The following APOBEC3A variants were observed in gnomAD, a reference collection of about 807,000 sequenced individuals.
The protein encoded by APOBEC3A is apolipoprotein B mRNA editing enzyme catalytic subunit 3A.
In APOBEC3A, 13 loss-of-function variants were observed where a neutral mutation model predicts 23.0. That is an observed-to-expected ratio of 0.57 (90% CI 0.37 to 0.90). The LOEUF is 0.90. Ranked by LOEUF, APOBEC3A falls within the 40% of genes least tolerant of loss-of-function variation. The pLI, the probability that APOBEC3A is intolerant of heterozygous loss-of-function variation, is 0.01. For synonymous variants in APOBEC3A, 74 were observed against 101.3 expected (o/e 0.73, Z 1.62); for missense variants, 179 against 264.9 (o/e 0.68, Z 2.25).
At position 38,962,663 on chromosome 22, in the gene APOBEC3A, T is replaced by A. The variant is rs1030252356; in HGVS notation, c.*154T>A. 3.9e-6 allele frequency: 6 copies of A among 1,539,952 alleles called. No individual in the cohort carries two copies. In the African/African-American group the frequency reaches 6.9e-5, roughly 18 times the overall value. ...GTATGCTCCCGATCAAGTAGATTTT[T>A]AAAAAATCAGAGTGGGCCGGGCGCG... On this transcript the variant is annotated 3_prime_UTR_variant, in exon 5 of 5. Coordinates refer to ENST00000249116, the MANE Select transcript of APOBEC3A (RefSeq NM_145699.4).
At chr22:38,962,311 G>T (rs1922939773) in intron 4 of APOBEC3A, 98 bp downstream of exon 4, 6 of 1,597,682 alleles carry the variant, frequency 3.8e-6, no homozygotes, top group Non-Finnish European at 4.3e-6. Context: ...CCTCCTCTGG[G>T]TTCCCTGCTC....
chr22:38,958,771 CTT>C (rs1922722419), intron 1 of APOBEC3A, among the ~76,000 whole-genome samples: 2 of 21,170 alleles, frequency 9.4e-5, no homozygotes, highest in South Asian at 2.1e-3. Context: ...CTCTCTTTCT[CTT>C]TCTTTCTTTC....
Position 38,962,956 on chromosome 22 carries a change from T to TAA in APOBEC3A, c.*447_*448insAA. ...CTGGGCGACAGTACCAGACTCCATC[T>TAA]CAAAAAAAAAAAAACCAGACTGAAT... is the stretch of plus-strand genomic sequence containing the variant. On this transcript the variant is annotated 3_prime_UTR_variant, in exon 5 of 5. Coordinates refer to ENST00000249116, the MANE Select transcript of APOBEC3A (RefSeq NM_145699.4). 1 of 128,838 alleles carries TAA rather than the reference T, an allele frequency of 7.8e-6. No individual in the cohort carries two copies. The allele number at this position is 128,838 out of a possible 1,614,324, so 8.0% of individuals were successfully genotyped here. A position where few individuals can be genotyped will look rare whatever the true frequency, so the allele number is the denominator to read the frequency against.
intron 1 of APOBEC3A, among the ~76,000 whole-genome samples, chr22:38,958,894 G>C (rs556104949): frequency 6.8e-6 from 1 of 146,856 alleles, no homozygotes; most frequent in African/African-American, 2.6e-5. Flanking sequence ...TCCCAACAGA[G>C]ATTTTTCTAA....
chr22:38,962,001 A>C, intron 3 of APOBEC3A, 97 bp from the exon 4 acceptor site: 1 of 1,476,226 alleles, frequency 6.8e-7, no homozygotes, highest in Admixed American at 2.2e-5. Flanking sequence ...AGGGACTGAA[A>C]CCAGGATGTG....
Position 38,959,604 on chromosome 22 carries a change from C to A in APOBEC3A, c.92C>A (p.Thr31Asn). ...NFNNGIGRHK[T>N]YLCYEVERLD... Reference sequence around the variant, plus strand: ...AACAATGGCATTGGAAGGCATAAGACCTACCTGTGCTACGAAGTGGAGCGC... The same window carrying A: ...AACAATGGCATTGGAAGGCATAAGAACTACCTGTGCTACGAAGTGGAGCGC... Residue 31 changes from threonine to asparagine, a missense_variant, in exon 2 of 5, where the codon ACC becomes AAC. Thr to Asn is a moderately conservative substitution (Grantham distance 65, BLOSUM62 0). Coordinates refer to ENST00000249116, the MANE Select transcript of APOBEC3A (RefSeq NM_145699.4). 1 of 1,614,104 alleles carries A rather than the reference C, an allele frequency of 6.2e-7. No homozygotes were observed. Among genetic ancestry groups the A allele is most frequent in the Non-Finnish European group, 8.5e-7 (1 of 1,180,006 alleles).
intron 1 of APOBEC3A, among the ~76,000 whole-genome samples, chr22:38,958,550 CTTCCTTCCTCTCTTTCTTCTTTCCT>C (rs1922692371): frequency 7.7e-6 from 1 of 129,630 alleles, no homozygotes. Flanking sequence ...TTCCTCCCTC[CTTCCTTCCTCTCTTTCTTCTTTCCT>C]TTCCTTCCTT....
In APOBEC3A at chr22:38,962,596, G is replaced by A. The variant is rs1922957121; in HGVS notation, c.*87G>A. 16 of 1,580,646 alleles carry A rather than the reference G, an allele frequency of 1.0e-5. No homozygotes were observed. The highest frequency in any genetic ancestry group is 3.3e-4 in the Middle Eastern group (2 of 5,974). ...TTCTTCCAAGAAATGCAAACAGACC[G>A]TTCACCACCATCTCCAGCTGCTCAC... is the stretch of plus-strand genomic sequence containing the variant. On this transcript the variant is annotated 3_prime_UTR_variant, in exon 5 of 5. Transcript: ENST00000249116.
chr22:38,959,558 C>A lies in APOBEC3A; in HGVS notation c.46C>A (p.His16Asn). 6.2e-7 allele frequency: 1 copy of A among 1,614,030 alleles called. No individual in the cohort carries two copies. Among genetic ancestry groups the A allele is most frequent in the South Asian group, 1.1e-5 (1 of 91,080 alleles). ...ASGPRHLMDPHIFTSNFNNGI... is the reference protein window; with the variant it reads ...ASGPRHLMDPNIFTSNFNNGI... ...TGTCCACAGACACTTGATGGATCCA[C>A]ACATATTCACTTCCAACTTTAACAA... Residue 16 changes from histidine (H) to asparagine (N), a missense_variant, in exon 2 of 5, where the codon CAC becomes AAC. Coordinates refer to ENST00000249116, the MANE Select transcript of APOBEC3A (RefSeq NM_145699.4).
chr22:38,962,402 T>C, intron 4 of APOBEC3A, 93 bp from the exon 5 acceptor site: 1 of 1,557,612 alleles, frequency 6.4e-7, no homozygotes, highest in South Asian at 1.2e-5. Flanking sequence ...CCCTCCCTCC[T>C]CTCCCGTCAT....
At chr22:38,958,417 T>G (rs544054978) in intron 1 of APOBEC3A, among the ~76,000 whole-genome samples, 5 of 150,930 alleles carry the variant, frequency 3.3e-5, no homozygotes, top group African/African-American at 1.2e-4. Context: ...TTCCCTTCTG[T>G]GCTTCCTTCC....
chr22:38,957,747 T>C, intron 1 of APOBEC3A, 27 bp downstream of exon 1: 1 of 1,607,826 alleles, frequency 6.2e-7, no homozygotes, highest in East Asian at 2.2e-5. Flanking sequence ...CGAGCACCTC[T>C]GCGCCTCAGC....
chr22:38,960,862 A>G (rs1922847445), intron 2 of APOBEC3A, among the ~76,000 whole-genome samples: 1 of 151,894 alleles, frequency 6.6e-6, no homozygotes, highest in African/African-American at 2.4e-5. Flanking sequence ...CATCAGGCCA[A>G]TGACCTCGGG....
At chr22:38,959,201 G>C (rs141261676) in intron 1 of APOBEC3A, among the ~76,000 whole-genome samples, 1,791 of 152,284 alleles carry the variant, frequency 0.012, 30 homozygotes, top group African/African-American at 0.041. Flanking sequence ...TCCAGCAGGG[G>C]CTGTGGGTGA....
chr22:38,962,848 C>T lies in APOBEC3A; in HGVS notation c.*339C>T, dbSNP rs1189226335. The T allele has an allele frequency of 1.9e-5, 8 of 419,076 alleles. 2 individuals carry two copies. The highest frequency in any genetic ancestry group is 2.9e-5 in the Non-Finnish European group (7 of 240,242). The allele number at this position is 419,076 out of a possible 1,614,324, so 26.0% of individuals were successfully genotyped here. A position where few individuals can be genotyped will look rare whatever the true frequency, so the allele number is the denominator to read the frequency against. On this transcript the variant is annotated 3_prime_UTR_variant, in exon 5 of 5. Coordinates refer to ENST00000249116, the MANE Select transcript of APOBEC3A (RefSeq NM_145699.4). Reference sequence around the variant, plus strand: ...TGGCGGGCGCCTGTAGTCCCAGCTACTCTGGAGGCTGAGGCAGGAGAGTAG... The same window carrying T: ...TGGCGGGCGCCTGTAGTCCCAGCTATTCTGGAGGCTGAGGCAGGAGAGTAG...
rs865971916 is a variant in APOBEC3A at position 38,959,702 on chromosome 22, A to C, written c.174+16A>C. The C allele has an allele frequency of 2.5e-6, 4 of 1,611,228 alleles. No individual in the cohort carries two copies. The African/African-American group carries it at 4.0e-5, about 16-fold the overall frequency. On this transcript the variant is annotated intron_variant, in intron 2 of 4. Coordinates refer to ENST00000249116, the MANE Select transcript of APOBEC3A (RefSeq NM_145699.4). ...ACACAACCAGGTGACCGACCCAGCC[A>C]TCCGAATCCGGGCAGGGCCCTTCCA...
intron 1 of APOBEC3A, among the ~76,000 whole-genome samples, 177 bp from the exon 2 acceptor site, chr22:38,959,365 G>A (rs569685489): frequency 6.6e-6 from 1 of 152,170 alleles, no homozygotes; most frequent in Admixed American, 6.5e-5. Context: ...GGGCTGCAGT[G>A]ATCTCCCAGT....
rs573480433 is a variant in APOBEC3A at position 38,960,159 on chromosome 22, G to A, written c.174+473G>A. 2.6e-5 allele frequency among the ~76,000 whole-genome samples: 4 copies of A among 152,308 alleles called. No homozygotes were observed. The East Asian group carries it at 5.8e-4, about 22-fold the overall frequency. ...GGATGCAGGGATGTCCAGCATTTGG[G>A]GAGGAGCTGGGCCAGGCCAGGCTGA... On this transcript the variant is annotated intron_variant, in intron 2 of 4. Coordinates refer to ENST00000249116, the MANE Select transcript of APOBEC3A (RefSeq NM_145699.4).
At chr22:38,960,899 C>T (rs1048880625) in intron 2 of APOBEC3A, among the ~76,000 whole-genome samples, 7 of 151,994 alleles carry the variant, frequency 4.6e-5, no homozygotes, top group African/African-American at 1.7e-4. Flanking sequence ...CTCCCTGCCC[C>T]CATCTCTGTA....
Sources: allele counts gnomAD v4.1 joint callset (sites outside exome capture counted in the v4.1 genomes callset), GRCh38; gene constraint gnomAD v4.1.1; transcripts MANE v1.5; gene names NCBI Gene and HGNC (gene_info 2026-07-23, HGNC 2026-07-21).